The following MED12L variants were observed in gnomAD, a reference collection of about 807,000 sequenced individuals.
MED12L encodes the protein mediator of RNA polymerase II transcription subunit 12-like protein.
MED12L carries 60 observed loss-of-function variants against 281.3 expected under a neutral mutation model. The ratio of observed to expected loss-of-function variants is 0.21; its 90% CI spans 0.17 to 0.26. The LOEUF is 0.26. Ranked by LOEUF, MED12L falls within the 10% of genes least tolerant of loss-of-function variation. The pLI, the probability that MED12L is intolerant of heterozygous loss-of-function variation, is 1.00. For synonymous variants in MED12L, 974 were observed against 987.2 expected, an observed-to-expected ratio of 0.99 and a Z score of 0.25; for missense variants, 2,146 against 2,680.9, an observed-to-expected ratio of 0.80 and a Z score of 4.41.
intron 38 of MED12L, among the ~76,000 whole-genome samples, chr3:151,393,869 AAAC>A (rs1714612834): frequency 6.6e-6 from 1 of 152,238 alleles, no homozygotes. Flanking sequence ...AGAAAAGATA[AAAC>A]AACTTTTGTG....
chr3:151,106,221 TTTCC>T (rs143132329), intron 2 of MED12L, among the ~76,000 whole-genome samples: 13,757 of 149,328 alleles, frequency 0.092, 895 homozygotes, highest in Middle Eastern at 0.15. Flanking sequence ...TTTTTCTTTC[TTTCC>T]TTCCTTCCTT....
intron 11 of MED12L, among the ~76,000 whole-genome samples, chr3:151,167,293 T>G (rs999183633): frequency 6.6e-6 from 1 of 152,224 alleles, no homozygotes; most frequent in South Asian, 2.1e-4. Flanking sequence ...ATAAAAAGTT[T>G]GTCTTCTTTT....
chr3:151,200,333 T>C (rs1279386609), intron 16 of MED12L, among the ~76,000 whole-genome samples: 3 of 152,236 alleles, frequency 2.0e-5, no homozygotes, highest in African/African-American at 7.2e-5. Flanking sequence ...TTAGTAATCT[T>C]TCTGGTGCTG....
At chr3:151,344,384 G>A (rs187844319) in intron 16 of MED12L, among the ~76,000 whole-genome samples, 34 of 151,836 alleles carry the variant, frequency 2.2e-4, no homozygotes, top group African/African-American at 8.0e-4. Flanking sequence ...TCCCAGGCTC[G>A]AAGCTTATTC....
chr3:151,287,260 G>A (rs1306943859), intron 16 of MED12L, among the ~76,000 whole-genome samples: 1 of 152,152 alleles, frequency 6.6e-6, no homozygotes, highest in Non-Finnish European at 1.5e-5. Context: ...TCCTCTCTCA[G>A]ATGGCACAAA....
intron 16 of MED12L, among the ~76,000 whole-genome samples, chr3:151,307,456 A>C (rs1396512629): frequency 6.6e-6 from 1 of 152,058 alleles, no homozygotes; most frequent in Non-Finnish European, 1.5e-5. Context: ...TTGCTGGTAC[A>C]TGTAGCTTAC....
chr3:151,188,873 T>C (rs925966457), intron 13 of MED12L, among the ~76,000 whole-genome samples: 5 of 152,248 alleles, frequency 3.3e-5, no homozygotes, highest in African/African-American at 1.2e-4. Flanking sequence ...GCCAGAGGCA[T>C]GGTACAAGGA....
At chr3:151,091,946 G>A (rs73012982) in intron 2 of MED12L, among the ~76,000 whole-genome samples, 4,213 of 151,782 alleles carry the variant, frequency 0.028, 202 homozygotes, top group African/African-American at 0.097. Flanking sequence ...GTGTAGAATC[G>A]TGCCTGTCAC....
chr3:151,394,754 C>T lies in MED12L; in HGVS notation c.5707C>T (p.Pro1903Ser). 6.2e-7 allele frequency: 1 copy of T among 1,614,268 alleles called. No homozygotes were observed. The change falls in exon 39 of 45, where the codon CCG becomes TCG. Residue 1903 changes from proline to serine, a missense_variant. Pro to Ser is a moderately conservative substitution (Grantham distance 74, BLOSUM62 -1). Transcript: ENST00000687756. ...LQRRSGAMMQ[P>S]PSLHAITSQQ... ...GCGGCGCTCAGGCGCCATGATGCAG[C>T]CGCCTTCTCTTCATGCAATCACATC...
chr3:151,368,218 G>A lies in MED12L; in HGVS notation c.3517G>A (p.Ala1173Thr), dbSNP rs1272606550. The stretch of plus-strand genomic sequence containing the variant: ...CCGACTCTTGCTTCATCTCTTCCGA[G>A]CTCCCCAGGCCTGCTTCTTACCTCA... ...TCRLLLHLFR[A>T]PQACFLPQAT... The change falls in exon 25 of 45, where the codon GCT becomes ACT. Residue 1173 changes from alanine to threonine, a missense_variant. By Grantham distance (58) the Ala-to-Thr change is moderately conservative (BLOSUM62 0). Coordinates refer to ENST00000687756, the MANE Select transcript of MED12L (RefSeq NM_001393769.1). 1 of 1,613,922 alleles carries A rather than the reference G, an allele frequency of 6.2e-7. No individual in the cohort carries two copies. Among genetic ancestry groups the A allele is most frequent in the African/African-American group, 1.3e-5 (1 of 74,884 alleles).
At chr3:151,164,095 C>A in intron 9 of MED12L, 53 bp downstream of exon 9, 1 of 1,591,188 alleles carries the variant, frequency 6.3e-7, no homozygotes, top group Non-Finnish European at 8.6e-7. Context: ...TGACAGGCAT[C>A]AGGGCACAGT....
At chr3:151,342,427 T>C (rs1751979008) in intron 16 of MED12L, among the ~76,000 whole-genome samples, 1 of 152,196 alleles carries the variant, frequency 6.6e-6, no homozygotes, top group South Asian at 2.1e-4. Flanking sequence ...TCTTCATTGG[T>C]TTTCACAGTG....
At chr3:151,158,431 G>A (rs1446337886) in intron 6 of MED12L, among the ~76,000 whole-genome samples, 1 of 151,560 alleles carries the variant, frequency 6.6e-6, no homozygotes, top group Non-Finnish European at 1.5e-5. Context: ...CACTGGGGGT[G>A]TGAAAGCTTC....
intron 5 of MED12L, among the ~76,000 whole-genome samples, chr3:151,146,883 A>T (rs1196714172): frequency 6.6e-6 from 1 of 152,150 alleles, no homozygotes; most frequent in Non-Finnish European, 1.5e-5. Flanking sequence ...ATTCAGCAGA[A>T]CCCAGCAGTC....
At chr3:151,176,490 C>G (rs1722065881) in intron 11 of MED12L, among the ~76,000 whole-genome samples, 1 of 152,120 alleles carries the variant, frequency 6.6e-6, no homozygotes, top group Non-Finnish European at 1.5e-5. Flanking sequence ...TGAAATTGCT[C>G]TATGCATAAT....
rs61742978 is a variant in MED12L at position 151,413,265 on chromosome 3, G to A, written c.6267G>A (p.Pro2089=). Residue 2089 remains proline (P), a synonymous_variant, in exon 42 of 45, where the codon CCG becomes CCA. Transcript: ENST00000687756. ...LPQDPMRPRQ[P]QVRQQQRLLQ... is the part of the protein sequence containing the mutation. ...AGGATCCCATGAGACCCAGACAGCCGCAAGTTCGACAGCAGCAGAGACTCC... is the reference window on the plus strand; with the variant it reads ...AGGATCCCATGAGACCCAGACAGCCACAAGTTCGACAGCAGCAGAGACTCC... 193 of 1,614,082 alleles carry A rather than the reference G, an allele frequency of 1.2e-4. No homozygotes were observed. The East Asian group carries it at 1.3e-3, about 11-fold the overall frequency.
chr3:151,259,555 C>T (rs544863088), intron 16 of MED12L, among the ~76,000 whole-genome samples: 6 of 152,262 alleles, frequency 3.9e-5, no homozygotes, highest in East Asian at 3.9e-4. Flanking sequence ...TAAGTAGACA[C>T]TGGATAATCA....
At chr3:151,102,677 T>C (rs1721531962) in intron 2 of MED12L, among the ~76,000 whole-genome samples, 1 of 152,186 alleles carries the variant, frequency 6.6e-6, no homozygotes, top group Non-Finnish European at 1.5e-5. Context: ...CTCACTATGT[T>C]GCCCAGGCTG....
At chr3:151,410,515 T>C (rs1716819222) in intron 40 of MED12L, among the ~76,000 whole-genome samples, 1 of 152,258 alleles carries the variant, frequency 6.6e-6, no homozygotes, top group South Asian at 2.1e-4. Flanking sequence ...AGAGCAATGT[T>C]GTTCTACCTT....
Sources: allele counts gnomAD v4.1 joint callset (sites outside exome capture counted in the v4.1 genomes callset), GRCh38; gene constraint gnomAD v4.1.1; transcripts MANE v1.5; gene names NCBI Gene and HGNC (gene_info 2026-07-23, HGNC 2026-07-21).